Variants in BANK1 observed in about 807,000 individuals in gnomAD.
The protein encoded by BANK1 is B-cell scaffold protein with ankyrin repeats.
In BANK1, 95 loss-of-function variants were observed where a neutral mutation model predicts 94.5. The observed-to-expected ratio is 1.00, with a 90% CI of 0.85 to 1.19. BANK1 has a LOEUF of 1.19. Among genes scored for constraint, BANK1 ranks in the 50% most tolerant of loss-of-function variants. The pLI is 0.00. For synonymous variants in BANK1, 334 were observed against 308.4 expected (o/e 1.08, Z -0.87); for missense variants, 987 against 932.2 (o/e 1.06, Z -0.77).
intron 1 of BANK1, among the ~76,000 whole-genome samples, chr4:101,803,518 G>A (rs1455307999): frequency 6.6e-6 from 1 of 152,128 alleles, no homozygotes; most frequent in East Asian, 1.9e-4. Context: ...GGAAAGTAAA[G>A]TGTGTGTGAA....
chr4:101,879,141 A>G (rs1434731136), intron 5 of BANK1, among the ~76,000 whole-genome samples: 2 of 152,138 alleles, frequency 1.3e-5, no homozygotes, highest in Non-Finnish European at 2.9e-5. Context: ...AAATGAAGAA[A>G]ACAATATAAA....
intron 1 of BANK1, among the ~76,000 whole-genome samples, chr4:101,796,330 G>T (rs1448303328): frequency 6.6e-6 from 1 of 151,566 alleles, no homozygotes; most frequent in Non-Finnish European, 1.5e-5. Context: ...TTCTCTTTTT[G>T]GGAGGAAAAA....
intron 7 of BANK1, among the ~76,000 whole-genome samples, chr4:101,996,119 G>A (rs1725870259): frequency 6.6e-6 from 1 of 152,156 alleles, no homozygotes; most frequent in African/African-American, 2.4e-5. Context: ...GTGTAAGGAA[G>A]GGGTCCAGTT....
intron 7 of BANK1, among the ~76,000 whole-genome samples, chr4:101,988,006 C>T (rs1367602758): frequency 6.6e-6 from 1 of 152,096 alleles, no homozygotes; most frequent in Admixed American, 6.6e-5. Context: ...CCCAGAATAA[C>T]CATGAAGAGC....
At position 101,907,332 on chromosome 4, in the gene BANK1, AG is replaced by A. The variant is rs539958809; in HGVS notation, c.1010-10659del. ...ATGGTTATCTCAATAGATGCAGAAA[AG>A]GCCTTTGACAAAATTCAACAGCACT... On this transcript the variant is annotated intron_variant, in intron 6 of 16. Coordinates refer to ENST00000322953, the MANE Select transcript of BANK1 (RefSeq NM_017935.5). Among the ~76,000 whole-genome samples the A allele has an allele frequency of 2.1e-3, 326 of 152,380 alleles. 1 individual carries two copies. Among genetic ancestry groups the A allele is most frequent in the African/African-American group, 7.2e-3 (300 of 41,594 alleles).
chr4:101,857,071 T>C (rs1341053587), intron 3 of BANK1, among the ~76,000 whole-genome samples: 2 of 152,194 alleles, frequency 1.3e-5, no homozygotes, highest in African/African-American at 4.8e-5. Flanking sequence ...ACGACAACTT[T>C]CAGCCTATGT....
chr4:102,073,669 T>G lies in BANK1; in HGVS notation c.2299-15T>G, dbSNP rs776702642. 1.9e-6 allele frequency: 3 copies of G among 1,608,758 alleles called. No homozygotes were observed. Among genetic ancestry groups the G allele is most frequent in the Admixed American group, 3.4e-5 (2 of 59,470 alleles). Reference sequence around the variant, plus strand: ...AATCGAGAAATACTAGCTCTATATCTTTATTTTTTTTCAGCTTCCTGCTCG... The same window carrying G: ...AATCGAGAAATACTAGCTCTATATCGTTATTTTTTTTCAGCTTCCTGCTCG... On this transcript the variant is annotated splice_polypyrimidine_tract_variant and intron_variant, in intron 15 of 16. Coordinates refer to ENST00000322953, the MANE Select transcript of BANK1 (RefSeq NM_017935.5).
intron 4 of BANK1, among the ~76,000 whole-genome samples, chr4:101,864,935 A>G (rs1236976954): frequency 6.6e-6 from 1 of 152,030 alleles, no homozygotes; most frequent in Non-Finnish European, 1.5e-5. Context: ...GGCAGAAGAG[A>G]GAAGGGAGAC....
At chr4:101,817,945 C>A (rs1274966380) in intron 1 of BANK1, among the ~76,000 whole-genome samples, 1 of 151,686 alleles carries the variant, frequency 6.6e-6, no homozygotes. Flanking sequence ...GATTGGATAC[C>A]CCTGCTATAC....
chr4:101,897,459 T>C (rs2148891841), intron 6 of BANK1, among the ~76,000 whole-genome samples: 1 of 152,124 alleles, frequency 6.6e-6, no homozygotes, highest in South Asian at 2.1e-4. Flanking sequence ...GAGACAATTG[T>C]GGCCCCTTAT....
chr4:101,986,857 A>ATATATATG (rs1560668268), intron 7 of BANK1, among the ~76,000 whole-genome samples: 1 of 48,860 alleles, frequency 2.0e-5, no homozygotes, highest in African/African-American at 7.6e-5. Flanking sequence ...ATATATATGT[A>ATATATATG]TATATATATG....
At chr4:101,947,434 G>T (rs1723973869) in intron 7 of BANK1, among the ~76,000 whole-genome samples, 1 of 150,502 alleles carries the variant, frequency 6.6e-6, no homozygotes, top group South Asian at 2.1e-4. Flanking sequence ...ACTCTCATGG[G>T]CACCCAAGAT....
At chr4:102,046,654 A>G (rs542158775) in intron 11 of BANK1, among the ~76,000 whole-genome samples, 1 of 152,298 alleles carries the variant, frequency 6.6e-6, no homozygotes, top group South Asian at 2.1e-4. Flanking sequence ...TCTTGCCTTC[A>G]GCACTTGATC....
intron 3 of BANK1, among the ~76,000 whole-genome samples, chr4:101,859,187 A>ATGCT (rs2148876062): frequency 6.6e-6 from 1 of 152,348 alleles, no homozygotes; most frequent in South Asian, 2.1e-4. Context: ...GCAGCAAAAG[A>ATGCT]TGCTTGTGTG....
chr4:101,915,882 A>G (rs1227372889), intron 6 of BANK1, among the ~76,000 whole-genome samples: 1 of 152,076 alleles, frequency 6.6e-6, no homozygotes, highest in African/African-American at 2.4e-5. Flanking sequence ...TGGAAGAGTA[A>G]CACCTCACAT....
chr4:101,990,903 G>A lies in BANK1; in HGVS notation c.1207-30611G>A, dbSNP rs115215988. On this transcript the variant is annotated intron_variant, in intron 7 of 16. Transcript: ENST00000322953. ...TTGTGAGGATAATAAGTTAAATCACGTAAAGTGCTTTAACAGTGCTTGGCA... is the reference window on the plus strand; with the variant it reads ...TTGTGAGGATAATAAGTTAAATCACATAAAGTGCTTTAACAGTGCTTGGCA... Among the ~76,000 whole-genome samples, 600 of 152,194 alleles carry A rather than the reference G, an allele frequency of 3.9e-3. 3 individuals carry two copies. Among genetic ancestry groups the A allele is most frequent in the African/African-American group, 0.014 (566 of 41,520 alleles).
rs923181352 is a variant in BANK1, at chr4:102,039,189, G to A, written c.1901-4650G>A. On this transcript the variant is annotated intron_variant, in intron 10 of 16. Transcript: ENST00000322953. ...AAGATTTTTATACTATGTGGCTGAT[G>A]TGGCTGTCTGTGTCCACACCTTGAA... Among the ~76,000 whole-genome samples the A allele has an allele frequency of 3.3e-5, 5 of 152,236 alleles. No individual in the cohort carries two copies. The East Asian group carries it at 7.7e-4, about 23-fold the overall frequency.
chr4:101,898,684 CTTA>C (rs1036860207), intron 6 of BANK1, among the ~76,000 whole-genome samples: 3 of 151,974 alleles, frequency 2.0e-5, no homozygotes, highest in African/African-American at 7.2e-5. Context: ...ACCAAAAAAT[CTTA>C]TTATTGCCGC....
chr4:101,877,263 C>G (rs1467696562), intron 5 of BANK1, among the ~76,000 whole-genome samples: 1 of 152,100 alleles, frequency 6.6e-6, no homozygotes, highest in Non-Finnish European at 1.5e-5. Context: ...AATTCACAAA[C>G]TCCCTAAGGT....
Sources: gnomAD v4.1 joint callset for allele counts (sites outside exome capture counted in the v4.1 genomes callset) on GRCh38, gnomAD v4.1.1 for gene constraint, MANE v1.5 for transcripts, NCBI Gene and HGNC (gene_info 2026-07-23, HGNC 2026-07-21) for gene names.